ERG: variants seen among roughly 807,000 people sequenced by gnomAD.
ERG encodes transcriptional regulator ERG.
ERG carries 9 observed loss-of-function variants against 55.3 expected under a neutral mutation model. The observed-to-expected ratio is 0.16, with a 90% confidence interval of 0.10 to 0.28. The LOEUF is 0.28. ERG is among the 10% of genes least tolerant of loss of function. The pLI is 1.00. For missense variants in ERG, 434 were observed against 631.6 expected, an observed-to-expected ratio of 0.69 and a Z score of 3.35; for synonymous variants, 223 against 237.3, an observed-to-expected ratio of 0.94 and a Z score of 0.55.
chr21:38,608,392 G>A (rs1404422012), intron 1 of ERG, among the ~76,000 whole-genome samples: 1 of 152,170 alleles, frequency 6.6e-6, no homozygotes. Context: ...TTGGTAATAA[G>A]GAGCAATAAT....
At chr21:38,384,001 GGAGGT>G (rs1987572214) in intron 9 of ERG, 78 bp from the exon 10 acceptor site, 1 of 1,523,764 alleles carries the variant, frequency 6.6e-7, no homozygotes. Context: ...GATGACGGAA[GGAGGT>G]GCTATTGGTG....
intron 1 of ERG, chr21:38,450,764 G>T (rs1431003597): frequency 8.0e-6 from 3 of 376,834 alleles, no homozygotes; most frequent in Non-Finnish European, 1.6e-5. Context: ...AAAATGAAAG[G>T]CTTATCCTAG....
chr21:38,462,786 A>G (rs2059055286), intron 1 of ERG, among the ~76,000 whole-genome samples: 1 of 152,204 alleles, frequency 6.6e-6, no homozygotes, highest in African/African-American at 2.4e-5. Flanking sequence ...CTACTAAAGA[A>G]GCAGGCTGCC....
rs554602717 is a variant in ERG at position 38,650,135 on chromosome 21, A to G, written c.-150+11523T>C. On this transcript the variant is annotated intron_variant, in intron 1 of 10. Coordinates refer to the ERG transcript ENST00000398910. ...AAGCACTGCCCACTGGGAAAAATAA[A>G]CCAAAATAAAAAGAGTGAAATTCCC... Among the ~76,000 whole-genome samples the G allele has an allele frequency of 3.3e-5, 5 of 152,286 alleles. No individual in the cohort carries two copies. The South Asian group carries it at 6.2e-4, about 19-fold the overall frequency.
chr21:38,563,603 C>A (rs1180559011), intron 2 of ERG, among the ~76,000 whole-genome samples: 1 of 152,192 alleles, frequency 6.6e-6, no homozygotes, highest in Non-Finnish European at 1.5e-5. Flanking sequence ...CCGACATGTT[C>A]AATTCTGCCC....
At position 38,650,503 on chromosome 21, in the gene ERG, G is replaced by A. The variant is rs1052653287; in HGVS notation, c.-150+11155C>T. On this transcript the variant is annotated intron_variant, in intron 1 of 10. Transcript: ENST00000398910. ...ATACAAAAAATTAGCCGGGTATGGT[G>A]GTGTGCACCTGTAGTCCCTGCTACT... 4.6e-5 allele frequency among the ~76,000 whole-genome samples: 7 copies of A among 152,200 alleles called. No individual in the cohort carries two copies. In the East Asian group the frequency reaches 1.4e-3, roughly 29 times the overall value.
intron 1 of ERG, among the ~76,000 whole-genome samples, chr21:38,456,604 T>G (rs1319073640): frequency 1.3e-5 from 2 of 150,554 alleles, no homozygotes; most frequent in Non-Finnish European, 3.0e-5. Flanking sequence ...TCCCCATCAT[T>G]GTTGGCATGG....
At chr21:38,374,043 C>A in the ERG span, among the ~76,000 whole-genome samples, 1 of 152,168 alleles carries the variant, frequency 6.6e-6, no homozygotes, top group Non-Finnish European at 1.5e-5. Flanking sequence ...TTAATATAAT[C>A]TCTACCCAAG....
At chr21:38,568,829 GAACCCCCA>G (rs1197182426) in intron 2 of ERG, among the ~76,000 whole-genome samples, 2 of 152,180 alleles carry the variant, frequency 1.3e-5, no homozygotes, top group Non-Finnish European at 2.9e-5. Flanking sequence ...GTGGACCTAT[GAACCCCCA>G]GCCTCATCAA....
At chr21:38,489,573 C>T (rs2059317270) in intron 1 of ERG, among the ~76,000 whole-genome samples, 1 of 152,178 alleles carries the variant, frequency 6.6e-6, no homozygotes. Flanking sequence ...TTACATTTGG[C>T]CTTGGACAAT....
At chr21:38,513,894 C>G (rs964506145) in intron 2 of ERG, among the ~76,000 whole-genome samples, 11 of 151,732 alleles carry the variant, frequency 7.2e-5, no homozygotes, top group Admixed American at 3.9e-4. Context: ...CTGGTGATTA[C>G]AGAGAGAAAA....
chr21:38,481,195 A>G (rs2146649575), intron 1 of ERG, among the ~76,000 whole-genome samples: 1 of 152,366 alleles, frequency 6.6e-6, no homozygotes, highest in Middle Eastern at 3.4e-3. Context: ...CTTAAAAACT[A>G]GATTATAGTT....
chr21:38,547,442 C>T (rs1292531457), intron 2 of ERG, among the ~76,000 whole-genome samples: 2 of 152,104 alleles, frequency 1.3e-5, no homozygotes, highest in Non-Finnish European at 2.9e-5. Context: ...GACTTATTCT[C>T]ACAAGACAAG....
rs143558051 is a variant in ERG, at chr21:38,623,629, C to T, written c.-150+38029G>A. Among the ~76,000 whole-genome samples the T allele has an allele frequency of 2.4e-3, 358 of 152,270 alleles. 1 individual carries two copies. Among genetic ancestry groups the T allele is most frequent in the African/African-American group, 8.0e-3 (333 of 41,562 alleles). ...CATGTGTGTGTTAGTTTGTTGCAGG[C>T]GTCCTGGTAGCAGAGCGTGAGGTCC... On this transcript the variant is annotated intron_variant, in intron 1 of 10. Coordinates refer to the ERG transcript ENST00000398910.
Position 38,452,169 on chromosome 21 carries a change from A to G in ERG, c.19-6548T>C, listed in dbSNP as rs145508874. Among the ~76,000 whole-genome samples, 419 of 152,348 alleles carry G rather than the reference A, an allele frequency of 2.8e-3. 2 individuals are homozygous for G. Among genetic ancestry groups the G allele is most frequent in the African/African-American group, 9.6e-3 (399 of 41,594 alleles). On this transcript the variant is annotated intron_variant, in intron 1 of 9. Coordinates refer to ENST00000288319, the MANE Select transcript of ERG (RefSeq NM_182918.4). ...CCAATATGGTATCACTTCAGTGTCA[A>G]ATAATTTCACCACTCACAACACTAG...
chr21:38,400,129 A>G, intron 6 of ERG: 1 of 356,680 alleles, frequency 2.8e-6, no homozygotes, highest in South Asian at 3.3e-5. Flanking sequence ...GAGGACAGGC[A>G]GTAAGATTCA....
chr21:38,649,679 G>A (rs1250626182), intron 1 of ERG, among the ~76,000 whole-genome samples: 1 of 152,228 alleles, frequency 6.6e-6, no homozygotes, highest in Non-Finnish European at 1.5e-5. Flanking sequence ...ACGGCATCAA[G>A]TGGACATGCA....
intron 1 of ERG, among the ~76,000 whole-genome samples, chr21:38,630,031 T>C (rs957654228): frequency 6.6e-5 from 10 of 152,026 alleles, no homozygotes; most frequent in African/African-American, 2.4e-4. Flanking sequence ...ATGACTCCAC[T>C]TACATGAGCT....
At chr21:38,508,685 A>G (rs925556896) in intron 2 of ERG, among the ~76,000 whole-genome samples, 2 of 152,254 alleles carry the variant, frequency 1.3e-5, no homozygotes, top group African/African-American at 4.8e-5. Flanking sequence ...GACATTTGCC[A>G]TACCACCATG....
Sources: allele counts gnomAD v4.1 joint callset (sites outside exome capture counted in the v4.1 genomes callset), GRCh38; gene constraint gnomAD v4.1.1; transcripts MANE v1.5; gene names NCBI Gene and HGNC (gene_info 2026-07-23, HGNC 2026-07-21).